LIAT1: variants seen among roughly 807,000 people sequenced by gnomAD.
The protein encoded by LIAT1 is ligand of ATE1, also known as protein LIAT1.
the LIAT1 span, chr17:413,581 C>T: frequency 9.9e-6 from 15 of 1,514,546 alleles, no homozygotes; most frequent in East Asian, 3.0e-4. Flanking sequence ...AGGGCATCCA[C>T]CCCGACCCCG....
At chr17:414,446 A>G in the LIAT1 span, 7 of 263,844 alleles carry the variant, frequency 2.7e-5, no homozygotes, top group South Asian at 2.1e-4. The surrounding 1 kb of genome is among the most constrained non-coding windows in gnomAD (Gnocchi z 4.1). Flanking sequence ...TTTACCTCTT[A>G]AGTCTCAATC....
At chr17:410,524 GCGCCGCGGGCC>G in the LIAT1 span, 1 of 1,545,542 alleles carries the variant, frequency 6.5e-7, no homozygotes, top group Non-Finnish European at 8.7e-7. Context: ...CGGGAGGGCG[GCGCCGCGGGCC>G]CGCGGGGGTC....
chr17:414,509 C>A, the LIAT1 span: 33 of 185,832 alleles, frequency 1.8e-4, no homozygotes, highest in East Asian at 5.3e-3. This position sits in a 1 kb window ranked among gnomAD's most constrained non-coding sequence, Gnocchi z 4.1. Flanking sequence ...GAGGACGATG[C>A]CCTGAACCTC....
the LIAT1 span, chr17:410,607 AAAAG>A: frequency 1.3e-6 from 2 of 1,544,550 alleles, no homozygotes; most frequent in South Asian, 1.2e-5. Context: ...GAAGAAGAAA[AAAAG>A]GAAGAAGAAG....
At chr17:413,064 C>T in the LIAT1 span, 31 of 1,517,478 alleles carry the variant, frequency 2.0e-5, no homozygotes, top group Non-Finnish European at 2.7e-5. Flanking sequence ...TCCTCCTCTT[C>T]CATCTTGGGT....
the LIAT1 span, among the ~76,000 whole-genome samples, chr17:411,192 C>T: frequency 6.6e-6 from 1 of 152,310 alleles, no homozygotes; most frequent in South Asian, 2.1e-4. Context: ...CCCCCTCGCA[C>T]CCACCAAGGG....
the LIAT1 span, among the ~76,000 whole-genome samples, chr17:411,126 G>A: frequency 3.3e-5 from 5 of 152,284 alleles, no homozygotes; most frequent in African/African-American, 1.2e-4. Context: ...CTGTGGATGC[G>A]CGGTAGACAC....
At chr17:411,447 T>A in the LIAT1 span, among the ~76,000 whole-genome samples, 4 of 152,034 alleles carry the variant, frequency 2.6e-5, no homozygotes, top group Admixed American at 2.6e-4. Context: ...GGTGGGAGGA[T>A]CACTTGAACC....
the LIAT1 span, chr17:414,131 G>A: frequency 5.0e-6 from 8 of 1,603,868 alleles, no homozygotes; most frequent in Middle Eastern, 1.7e-4. The surrounding 1 kb of genome is among the most constrained non-coding windows in gnomAD (Gnocchi z 4.1). Context: ...TACCCACGAC[G>A]CTCACAAACT....
the LIAT1 span, chr17:414,077 C>T: frequency 2.5e-6 from 4 of 1,614,168 alleles, no homozygotes; most frequent in Non-Finnish European, 3.4e-6. The surrounding 1 kb of genome is among the most constrained non-coding windows in gnomAD (Gnocchi z 4.1). Context: ...TACCCCAAAG[C>T]TTCTACACTC....
chr17:410,777 C>T, the LIAT1 span: 1 of 782,016 alleles, frequency 1.3e-6, no homozygotes, highest in Non-Finnish European at 2.0e-6. Flanking sequence ...TCCTGCTCCC[C>T]ACACATGCCC....
chr17:410,603 G>T, the LIAT1 span: 3 of 1,544,640 alleles, frequency 1.9e-6, no homozygotes, highest in East Asian at 7.3e-5. Flanking sequence ...AGGTGAAGAA[G>T]AAAAAAAGGA....
chr17:411,804 A>G, the LIAT1 span, among the ~76,000 whole-genome samples: 1 of 152,214 alleles, frequency 6.6e-6, no homozygotes, highest in Admixed American at 6.5e-5. Context: ...AGAGCACAGC[A>G]GTGACAGAGA....
the LIAT1 span, chr17:410,663 G>T: frequency 6.5e-7 from 1 of 1,536,750 alleles, no homozygotes; most frequent in Non-Finnish European, 8.7e-7. Flanking sequence ...GGAGCAGCTA[G>T]CCCGGCTGCG....
At chr17:412,103 C>A in the LIAT1 span, among the ~76,000 whole-genome samples, 1 of 152,190 alleles carries the variant, frequency 6.6e-6, no homozygotes, top group African/African-American at 2.4e-5. Flanking sequence ...ACATGGCTCA[C>A]GCCTGTAATC....
the LIAT1 span, chr17:410,388 C>CG: frequency 6.6e-7 from 1 of 1,524,170 alleles, no homozygotes; most frequent in Non-Finnish European, 8.7e-7. Context: ...TGAGAGTCGC[C>CG]GATTAGTCGG....
chr17:410,688 C>T, the LIAT1 span: 1 of 1,521,776 alleles, frequency 6.6e-7, no homozygotes, highest in Non-Finnish European at 8.8e-7. Flanking sequence ...CTCCGGTTCC[C>T]TGGAGACTCT....
the LIAT1 span, chr17:414,323 A>G: frequency 1.5e-4 from 88 of 583,490 alleles, 1 homozygote; most frequent in Non-Finnish European, 2.1e-5. The surrounding 1 kb of genome is among the most constrained non-coding windows in gnomAD (Gnocchi z 4.1). Flanking sequence ...TTTAGTGAAC[A>G]GAGTTCTTTT....
chr17:414,003 G>C, the LIAT1 span: 2 of 1,614,226 alleles, frequency 1.2e-6, no homozygotes, highest in Non-Finnish European at 1.7e-6. The surrounding 1 kb of genome is among the most constrained non-coding windows in gnomAD (Gnocchi z 4.1). Context: ...AAAGATGGCA[G>C]CTCCAGCCAC....
Sources: allele counts gnomAD v4.1 joint callset (sites outside exome capture counted in the v4.1 genomes callset), GRCh38; gene constraint gnomAD v4.1.1; non-coding constraint Gnocchi (gnomAD v3.1); transcripts MANE v1.5; gene names NCBI Gene and HGNC (gene_info 2026-07-23, HGNC 2026-07-21).